PHACTR3: variants seen among roughly 807,000 people sequenced by gnomAD.
PHACTR3 encodes the protein protein phosphatase 1, regulatory subunit 123.
PHACTR3 carries 16 observed loss-of-function variants against 66.8 expected under a neutral mutation model. The observed-to-expected ratio is 0.24, with a 90% CI of 0.16 to 0.36. The LOEUF (loss-of-function observed/expected upper bound fraction) is 0.36, where lower values mean the gene tolerates loss of function less well. PHACTR3 is among the 10% of genes least tolerant of loss of function. The pLI is 1.00. For synonymous variants in PHACTR3, 323 were observed against 292.1 expected, an observed-to-expected ratio of 1.11 and a Z score of -1.08; for missense variants, 647 against 719.9, an observed-to-expected ratio of 0.90 and a Z score of 1.16.
intron 1 of PHACTR3, among the ~76,000 whole-genome samples, chr20:59,730,346 T>C (rs1348479789): frequency 6.6e-6 from 1 of 152,172 alleles, no homozygotes; most frequent in Non-Finnish European, 1.5e-5. Context: ...GGCAGCCCTA[T>C]TGTGGGAAAG....
Position 59,622,425 on chromosome 20 carries a change from C to G in PHACTR3, c.118+17293C>G, listed in dbSNP as rs556382560. On this transcript the variant is annotated intron_variant, in intron 1 of 12. Transcript: ENST00000371015. Reference sequence around the variant, plus strand: ...ATGAGTTCCAGATGAGGCACGTGACCTTTGCAGGATTTTAACATTACAGTG... The same window carrying G: ...ATGAGTTCCAGATGAGGCACGTGACGTTTGCAGGATTTTAACATTACAGTG... 2.0e-5 allele frequency among the ~76,000 whole-genome samples: 3 copies of G among 152,302 alleles called. No individual in the cohort carries two copies. In the East Asian group the frequency reaches 5.8e-4, roughly 29 times the overall value.
At chr20:59,817,775 C>G (rs1285774888) in intron 8 of PHACTR3, among the ~76,000 whole-genome samples, 1 of 152,036 alleles carries the variant, frequency 6.6e-6, no homozygotes, top group African/African-American at 2.4e-5. Context: ...GGTGAAATAG[C>G]CTTCATGTAA....
At chr20:59,711,202 C>G (rs1215127618) in intron 1 of PHACTR3, among the ~76,000 whole-genome samples, 1 of 152,102 alleles carries the variant, frequency 6.6e-6, no homozygotes, top group Non-Finnish European at 1.5e-5. Flanking sequence ...TCTGTTCTAC[C>G]TCTCTTCTAC....
intron 3 of PHACTR3, among the ~76,000 whole-genome samples, chr20:59,750,187 C>T (rs2039525842): frequency 6.6e-6 from 1 of 151,370 alleles, no homozygotes; most frequent in Non-Finnish European, 1.5e-5. Flanking sequence ...GATGCAGCAC[C>T]CTAAGATCAT....
At chr20:59,739,634 C>T (rs1051163291) in intron 1 of PHACTR3, among the ~76,000 whole-genome samples, 1 of 152,138 alleles carries the variant, frequency 6.6e-6, no homozygotes, top group Non-Finnish European at 1.5e-5. Context: ...GGGAAACCAC[C>T]TCCCTGATCC....
At chr20:59,685,384 C>T (rs945219951) in intron 1 of PHACTR3, among the ~76,000 whole-genome samples, 24 of 152,182 alleles carry the variant, frequency 1.6e-4, no homozygotes, top group Non-Finnish European at 5.9e-5. Context: ...CCCTACCAGC[C>T]TGGGTTTGAA....
intron 1 of PHACTR3, among the ~76,000 whole-genome samples, chr20:59,701,716 T>C (rs1030200181): frequency 2.0e-5 from 3 of 152,228 alleles, no homozygotes; most frequent in African/African-American, 7.2e-5. Context: ...GATCAACAAA[T>C]GTTGATGAAT....
chr20:59,708,303 T>G (rs958709800), intron 1 of PHACTR3, among the ~76,000 whole-genome samples: 3 of 152,234 alleles, frequency 2.0e-5, no homozygotes, highest in Non-Finnish European at 4.4e-5. Context: ...TTCGGCATGT[T>G]GATCATGGGA....
At chr20:59,689,669 G>A (rs1462248021) in intron 1 of PHACTR3, among the ~76,000 whole-genome samples, 1 of 152,154 alleles carries the variant, frequency 6.6e-6, no homozygotes, top group Non-Finnish European at 1.5e-5. Context: ...GGAAACTGAG[G>A]CCTTGCCAGG....
At chr20:59,841,594 T>C in intron 11 of PHACTR3, 59 bp downstream of exon 11, 1 of 1,547,048 alleles carries the variant, frequency 6.5e-7, no homozygotes, top group Non-Finnish European at 8.7e-7. Flanking sequence ...GCAAAATATG[T>C]CATGCCAGGG....
chr20:59,701,219 G>A (rs1329972675), intron 1 of PHACTR3, among the ~76,000 whole-genome samples: 1 of 152,204 alleles, frequency 6.6e-6, no homozygotes, highest in East Asian at 1.9e-4. Flanking sequence ...CTCCTCCTGT[G>A]CTCATGGCAG....
At chr20:59,588,065 C>CG (rs2033086958) in intron 1 of PHACTR3, among the ~76,000 whole-genome samples, 1 of 152,136 alleles carries the variant, frequency 6.6e-6, no homozygotes, top group Non-Finnish European at 1.5e-5. Flanking sequence ...ATCAGGTCAC[C>CG]GGGGGTCGGG....
At chr20:59,674,314 G>A (rs970827785) in intron 1 of PHACTR3, among the ~76,000 whole-genome samples, 2 of 143,708 alleles carry the variant, frequency 1.4e-5, no homozygotes, top group Admixed American at 7.1e-5. Flanking sequence ...CTGGGGCGGG[G>A]GGCATGGCTC....
chr20:59,811,729 A>G (rs2041741328), intron 8 of PHACTR3, among the ~76,000 whole-genome samples: 1 of 152,150 alleles, frequency 6.6e-6, no homozygotes, highest in East Asian at 1.9e-4. Flanking sequence ...CTCAGGGGGA[A>G]CATATAGAAA....
chr20:59,745,953 C>T (rs978150745), intron 2 of PHACTR3, among the ~76,000 whole-genome samples: 3 of 152,226 alleles, frequency 2.0e-5, no homozygotes, highest in Non-Finnish European at 4.4e-5. Context: ...TGAGCACCGC[C>T]TGGTGCCGGC....
At chr20:59,701,461 A>G (rs1330504724) in intron 1 of PHACTR3, among the ~76,000 whole-genome samples, 2 of 152,216 alleles carry the variant, frequency 1.3e-5, no homozygotes, top group Admixed American at 1.3e-4. Flanking sequence ...CTCTGGGGAC[A>G]CTAGTTACTC....
In PHACTR3 at chr20:59,736,345, TCCTCAGGAACTGCAGG is replaced by T. The variant is rs2038943254; in HGVS notation, c.119-6761_119-6746del. Among the ~76,000 whole-genome samples, 1 of 152,086 alleles carries T rather than the reference TCCTCAGGAACTGCAGG, an allele frequency of 6.6e-6. No homozygotes were observed. Among genetic ancestry groups the T allele is most frequent in the Admixed American group, 6.5e-5 (1 of 15,282 alleles). ...AGTCTCTCCAGTGTGAGAAGGCAGT[TCCTCAGGAACTGCAGG>T]GAGAGACGGGGAGAGAATTCCTGGA... On this transcript the variant is annotated intron_variant, in intron 1 of 12. Coordinates refer to ENST00000371015, the MANE Select transcript of PHACTR3 (RefSeq NM_080672.5). The surrounding 1 kb of genome is among the most constrained non-coding windows in gnomAD (Gnocchi z 4.6).
At chr20:59,842,145 T>TC (rs1684163354) in intron 11 of PHACTR3, among the ~76,000 whole-genome samples, 1 of 151,966 alleles carries the variant, frequency 6.6e-6, no homozygotes, top group Non-Finnish European at 1.5e-5. Context: ...GGTCATAGAG[T>TC]CTCTGCATGA....
intron 2 of PHACTR3, among the ~76,000 whole-genome samples, chr20:59,746,068 A>G (rs1425277055): frequency 6.6e-6 from 1 of 152,218 alleles, no homozygotes; most frequent in East Asian, 1.9e-4. Flanking sequence ...CAAGGTCAGC[A>G]TTCACTTTGT....
Sources: allele counts gnomAD v4.1 joint callset (sites outside exome capture counted in the v4.1 genomes callset), GRCh38; gene constraint gnomAD v4.1.1; non-coding constraint Gnocchi (gnomAD v3.1); transcripts MANE v1.5; gene names NCBI Gene and HGNC (gene_info 2026-07-23, HGNC 2026-07-21).